The following IL2RA variants were observed in gnomAD, a reference collection of about 807,000 sequenced individuals.
IL2RA encodes interleukin-2 receptor subunit alpha.
In IL2RA, 24 loss-of-function variants were observed where a neutral mutation model predicts 37.8. The ratio of observed to expected loss-of-function variants is 0.63; its 90% CI spans 0.46 to 0.89. The LOEUF (loss-of-function observed/expected upper bound fraction) is 0.89. IL2RA is among the 40% of genes least tolerant of loss of function. IL2RA has a pLI of 0.00. For missense variants in IL2RA, 319 were observed against 348.6 expected (o/e 0.92, Z 0.68); for synonymous variants, 125 against 114.6 (o/e 1.09, Z -0.58).
rs1840017770 is a variant in IL2RA at position 6,054,800 on chromosome 10, C to A, written c.64+7288G>T. The stretch of plus-strand genomic sequence containing the variant: ...AGCATGTTACTCTCCCTATTCTGAT[C>A]ATTTATGGCATTATTTGCAATGTTT... On this transcript the variant is annotated intron_variant, in intron 1 of 7. Transcript: ENST00000379959. This position sits in a 1 kb window ranked among gnomAD's most constrained non-coding sequence, Gnocchi z 4.5. 6.6e-6 allele frequency among the ~76,000 whole-genome samples: 1 copy of A among 152,130 alleles called. No individual in the cohort carries two copies. The highest frequency in any genetic ancestry group is 6.5e-5 in the Admixed American group (1 of 15,274).
At chr10:6,042,148 C>CAAAACAAAAAAAAAAAA (rs1839781743) in intron 1 of IL2RA, among the ~76,000 whole-genome samples, 1 of 54,132 alleles carries the variant, frequency 1.8e-5, no homozygotes, top group African/African-American at 7.6e-5. Flanking sequence ...ATGTATTAAG[C>CAAAACAAAAAAAAAAAA]AAAAAAAAAA....
intron 1 of IL2RA, among the ~76,000 whole-genome samples, chr10:6,031,490 A>G (rs1228924196): frequency 1.6e-3 from 50 of 31,426 alleles, no homozygotes; most frequent in South Asian, 9.3e-3. Flanking sequence ...ATATATATAT[A>G]TATGTATATA....
At chr10:6,060,523 A>C (rs749641129) in intron 1 of IL2RA, among the ~76,000 whole-genome samples, 1 of 152,216 alleles carries the variant, frequency 6.6e-6, no homozygotes, top group East Asian at 1.9e-4. Context: ...TTGGGAGGCC[A>C]TGGCTGGTGG....
rs77138789 is a variant in IL2RA, at chr10:6,017,248, T to C, written c.794+805A>G. 678 of 152,444 alleles carry C rather than the reference T, an allele frequency of 4.4e-3. 1 individual carries two copies. The highest frequency in any genetic ancestry group is 0.013 in the South Asian group (64 of 4,824). The allele number at this position is 152,444 out of a possible 1,614,324, so 9.4% of individuals were successfully genotyped here. A position where few individuals can be genotyped will look rare whatever the true frequency, so the allele number is the denominator to read the frequency against. On this transcript the variant is annotated intron_variant, in intron 7 of 7. Coordinates refer to ENST00000379959, the MANE Select transcript of IL2RA (RefSeq NM_000417.3). The stretch of plus-strand genomic sequence containing the variant: ...AAAGACCACACATGGTTTACATTCC[T>C]GGTCAAGGGGATGCCGGTGTGAGCT...
rs767446188 is a variant in IL2RA, at chr10:6,021,737, A to G, written c.368-44T>C. 1.3e-6 allele frequency: 2 copies of G among 1,538,642 alleles called. No individual in the cohort carries two copies. The highest frequency in any genetic ancestry group is 9.0e-7 in the Non-Finnish European group (1 of 1,112,590). ...GCTCTGAAGGCAAGTTGGGGACAGCACCGCGAGTGAGTCCAGGTTGCCTCT... is the reference window on the plus strand; with the variant it reads ...GCTCTGAAGGCAAGTTGGGGACAGCGCCGCGAGTGAGTCCAGGTTGCCTCT... On this transcript the variant is annotated intron_variant, in intron 3 of 7. Transcript: ENST00000379959. This position sits in a 1 kb window ranked among gnomAD's most constrained non-coding sequence, Gnocchi z 4.9.
chr10:6,012,879 G>C lies in IL2RA; in HGVS notation c.812C>G (p.Thr271Arg), dbSNP rs762979594. Reference protein sequence around the residue: ...WQRRQRKSRRTI With the variant: ...WQRRQRKSRRRI ...TCTTGTTCTTTTGGTTTTCTAGATT[G>C]TTCTTCTACTCTTCCTCCTGTAGTG... The change falls in exon 8 of 8, where the codon ACA becomes AGA. Residue 271 changes from threonine (T) to arginine (R), a missense_variant. Physicochemically the swap from Thr to Arg is moderately conservative, Grantham distance 71 (BLOSUM62 -1). Coordinates refer to ENST00000379959, the MANE Select transcript of IL2RA (RefSeq NM_000417.3). The surrounding 1 kb of genome is among the most constrained non-coding windows in gnomAD (Gnocchi z 4.8). 1 of 1,614,038 alleles carries C rather than the reference G, an allele frequency of 6.2e-7. No individual in the cohort carries two copies. Among genetic ancestry groups the C allele is most frequent in the South Asian group, 1.1e-5 (1 of 91,080 alleles).
At position 6,046,735 on chromosome 10, in the gene IL2RA, C is replaced by T. The variant is rs1207984891; in HGVS notation, c.64+15353G>A. On this transcript the variant is annotated intron_variant, in intron 1 of 7. Coordinates refer to ENST00000379959, the MANE Select transcript of IL2RA (RefSeq NM_000417.3). This position sits in a 1 kb window ranked among gnomAD's most constrained non-coding sequence, Gnocchi z 4.8. ...TGGTGCTCAACTATCCCTGCCTTAA[C>T]ACAAATTCTTAGTCAACACACAACA... Among the ~76,000 whole-genome samples the T allele has an allele frequency of 1.3e-5, 2 of 152,204 alleles. No individual in the cohort carries two copies. Among genetic ancestry groups the T allele is most frequent in the Admixed American group, 6.5e-5 (1 of 15,284 alleles).
Position 6,047,250 on chromosome 10 carries a change from A to C in IL2RA, c.64+14838T>G, listed in dbSNP as rs564226409. ...ACAACCCCCATGCCAACAGCACTCC[A>C]TCCCGACCTCATACCATGTGCACAG... On this transcript the variant is annotated intron_variant, in intron 1 of 7. Transcript: ENST00000379959. The surrounding 1 kb of genome is among the most constrained non-coding windows in gnomAD (Gnocchi z 5.0). Among the ~76,000 whole-genome samples, 2 of 152,306 alleles carry C rather than the reference A, an allele frequency of 1.3e-5. No homozygotes were observed. Among genetic ancestry groups the C allele is most frequent in the South Asian group, 4.1e-4 (2 of 4,824 alleles).
At chr10:6,032,783 C>A (rs1839620480) in intron 1 of IL2RA, among the ~76,000 whole-genome samples, 1 of 151,538 alleles carries the variant, frequency 6.6e-6, no homozygotes, top group Admixed American at 6.6e-5. Flanking sequence ...TACTTGTGTC[C>A]AGAATATATA....
rs1839673790 is a variant in IL2RA, at chr10:6,035,920, T to C, written c.65-9895A>G. The C allele has an allele frequency of 6.6e-6, 1 of 152,236 alleles. No homozygotes were observed. The highest frequency in any genetic ancestry group is 1.5e-5 in the Non-Finnish European group (1 of 68,064). 9.4% of individuals were successfully genotyped at this position (152,236 alleles called of 1,614,324 possible). On this transcript the variant is annotated intron_variant, in intron 1 of 7. Coordinates refer to ENST00000379959, the MANE Select transcript of IL2RA (RefSeq NM_000417.3). This position sits in a 1 kb window ranked among gnomAD's most constrained non-coding sequence, Gnocchi z 5.4. ...ACACGATCATGGGTGTATCTTTCCT[T>C]GTGGATTTGTTGCCTCTAGGAGTTC...
In IL2RA at chr10:6,021,391, T is replaced by C. The variant is rs1341641377; in HGVS notation, c.583+87A>G. 5 of 1,110,800 alleles carry C rather than the reference T, an allele frequency of 4.5e-6. No individual in the cohort carries two copies. Among genetic ancestry groups the C allele is most frequent in the Non-Finnish European group, 5.5e-6 (4 of 723,936 alleles). The allele number at this position is 1,110,800 out of a possible 1,614,324, so 68.8% of individuals were successfully genotyped here. A position where few individuals can be genotyped will look rare whatever the true frequency, so the allele number is the denominator to read the frequency against. ...AAGGGTCTTGTCCAAGGACCACTCT[T>C]GTCCAGCAGGAGTGGTCAGGGATTC... On this transcript the variant is annotated intron_variant, in intron 4 of 7. Coordinates refer to ENST00000379959, the MANE Select transcript of IL2RA (RefSeq NM_000417.3). The surrounding 1 kb of genome is among the most constrained non-coding windows in gnomAD (Gnocchi z 4.9).
rs1417992186 is a variant in IL2RA at position 6,021,878 on chromosome 10, G to T, written c.368-185C>A. Among the ~76,000 whole-genome samples the T allele has an allele frequency of 6.6e-6, 1 of 152,154 alleles. No homozygotes were observed. Among genetic ancestry groups the T allele is most frequent in the Non-Finnish European group, 1.5e-5 (1 of 68,040 alleles). ...GAAGTTTGCTAGGCCCTGTAGGAAG[G>T]CACGAAGACCCTGTCACTCCTGCAA... On this transcript the variant is annotated intron_variant, in intron 3 of 7. Coordinates refer to ENST00000379959, the MANE Select transcript of IL2RA (RefSeq NM_000417.3). The surrounding 1 kb of genome is among the most constrained non-coding windows in gnomAD (Gnocchi z 4.9).
chr10:6,059,845 T>C (rs1465303464), intron 1 of IL2RA, among the ~76,000 whole-genome samples: 1 of 152,186 alleles, frequency 6.6e-6, no homozygotes, highest in Non-Finnish European at 1.5e-5. Flanking sequence ...CTTACCACAC[T>C]CTGACTGGTA....
Position 6,024,253 on chromosome 10 carries a change from T to A in IL2RA, c.358A>T (p.Ser120Cys). ...QSPMQPVDQA[S>C]LPGHCREPPP... The stretch of plus-strand genomic sequence containing the variant: ...CAGATTCATCTCTCACCTGGAAGGC[T>A]CGCTTGGTCCACTGGCTGCATTGGA... The change falls in exon 3 of 8, where the codon AGC (serine) becomes TGC (cysteine). Residue 120 changes from serine (S) to cysteine (C), a missense_variant. By Grantham distance (112) the Ser-to-Cys change is moderately radical (BLOSUM62 -1). Transcript: ENST00000379959. The A allele has an allele frequency of 6.2e-7, 1 of 1,611,506 alleles. No homozygotes were observed. The highest frequency in any genetic ancestry group is 8.5e-7 in the Non-Finnish European group (1 of 1,177,556).
intron 1 of IL2RA, among the ~76,000 whole-genome samples, chr10:6,027,447 A>G (rs61014376): frequency 0.022 from 3,332 of 152,326 alleles, 180 homozygotes; most frequent in East Asian, 0.18. Context: ...AACAGGCAAC[A>G]TAAGTGCTCA....
At chr10:6,053,030 T>C (rs1299160277) in intron 1 of IL2RA, among the ~76,000 whole-genome samples, 1 of 152,156 alleles carries the variant, frequency 6.6e-6, no homozygotes, top group Non-Finnish European at 1.5e-5. Flanking sequence ...GCCACGCGGC[T>C]CTGTGGGTAC....
At position 6,015,710 on chromosome 10, in the gene IL2RA, G is replaced by A. The variant is rs149012585; in HGVS notation, c.794+2343C>T. On this transcript the variant is annotated intron_variant, in intron 7 of 7. Transcript: ENST00000379959. This position sits in a 1 kb window ranked among gnomAD's most constrained non-coding sequence, Gnocchi z 4.9. ...ATATCCATCATCTCAAACATTTATC[G>A]TTTCTTTATGTTCCTACAGATGATT... 1.5e-4 allele frequency among the ~76,000 whole-genome samples: 23 copies of A among 152,214 alleles called. No individual in the cohort carries two copies. The highest frequency in any genetic ancestry group is 4.2e-4 in the South Asian group (2 of 4,810).
At chr10:6,053,846 T>TA (rs1178737240) in intron 1 of IL2RA, among the ~76,000 whole-genome samples, 1 of 152,166 alleles carries the variant, frequency 6.6e-6, no homozygotes, top group Non-Finnish European at 1.5e-5. Context: ...TTCTTTTGGG[T>TA]AAAAGGACTC....
intron 1 of IL2RA, among the ~76,000 whole-genome samples, chr10:6,060,022 C>T (rs1033535634): frequency 1.3e-5 from 2 of 152,018 alleles, no homozygotes; most frequent in South Asian, 2.1e-4. Flanking sequence ...GACTCTAGTT[C>T]CCCTGCTCCC....
Sources: allele counts gnomAD v4.1 joint callset (sites outside exome capture counted in the v4.1 genomes callset), GRCh38; gene constraint gnomAD v4.1.1; non-coding constraint Gnocchi (gnomAD v3.1); transcripts MANE v1.5; gene names NCBI Gene and HGNC (gene_info 2026-07-23, HGNC 2026-07-21).